The following CNIH3 variants were observed in gnomAD, a reference collection of about 807,000 sequenced individuals.
The protein encoded by CNIH3 is protein cornichon homolog 3.
A neutral mutation model predicts 24.1 loss-of-function variants in CNIH3; 14 were observed. The ratio of observed to expected loss-of-function variants is 0.58; its 90% CI spans 0.38 to 0.91. The LOEUF (loss-of-function observed/expected upper bound fraction) is 0.91, where lower values mean the gene tolerates loss of function less well. CNIH3 is among the 40% of genes least tolerant of loss of function. The pLI is 0.00. For synonymous variants in CNIH3, 68 were observed against 73.8 expected, an observed-to-expected ratio of 0.92 and a Z score of 0.40; for missense variants, 178 against 196.8, an observed-to-expected ratio of 0.90 and a Z score of 0.57.
intron 1 of CNIH3, among the ~76,000 whole-genome samples, chr1:224,453,953 A>G (rs573514428): frequency 2.6e-5 from 4 of 152,262 alleles, no homozygotes; most frequent in African/African-American, 9.6e-5. Flanking sequence ...ATATTGTCCA[A>G]AAGATTGCGC....
intron 3 of CNIH3, among the ~76,000 whole-genome samples, chr1:224,602,924 A>C (rs1199765058): frequency 2.6e-5 from 4 of 152,234 alleles, no homozygotes; most frequent in Non-Finnish European, 5.9e-5. Flanking sequence ...TATCTGAGAC[A>C]GGTCTCAATA....
intron 2 of CNIH3, among the ~76,000 whole-genome samples, chr1:224,543,091 G>A (rs138216823): frequency 0.021 from 3,258 of 152,260 alleles, 117 homozygotes; most frequent in African/African-American, 0.073. Flanking sequence ...GATATCAGCC[G>A]GATCTCTGGA....
chr1:224,445,584 A>AT (rs1173740022), intron 1 of CNIH3, among the ~76,000 whole-genome samples: 1 of 148,200 alleles, frequency 6.7e-6, no homozygotes, highest in East Asian at 1.9e-4. Context: ...TAAAAAAAAA[A>AT]AAAAAAAAAA....
chr1:224,544,432 A>G (rs1679626694), intron 2 of CNIH3, among the ~76,000 whole-genome samples: 2 of 152,196 alleles, frequency 1.3e-5, no homozygotes, highest in Admixed American at 1.3e-4. Flanking sequence ...CCCAGATCCT[A>G]TCTTTGAATC....
intron 4 of CNIH3, among the ~76,000 whole-genome samples, chr1:224,582,987 A>G (rs1160338942): frequency 6.6e-6 from 1 of 152,188 alleles, no homozygotes; most frequent in Non-Finnish European, 1.5e-5. Context: ...GAAGCTTCAG[A>G]ATATACATGG....
intron 4 of CNIH3, chr1:224,575,267 CT>C: frequency 8.2e-7 from 1 of 1,224,828 alleles, no homozygotes; most frequent in Admixed American, 1.7e-5. Flanking sequence ...ACTTTAAGGT[CT>C]TCAACTTTGA....
chr1:224,599,348 T>G (rs981173465), intron 3 of CNIH3, among the ~76,000 whole-genome samples: 2 of 152,196 alleles, frequency 1.3e-5, no homozygotes, highest in African/African-American at 4.8e-5. Context: ...TGGATGGGCC[T>G]CTTGTTCCTT....
intron 1 of CNIH3, among the ~76,000 whole-genome samples, chr1:224,441,637 GAA>G (rs1409721332): frequency 6.6e-6 from 1 of 152,108 alleles, no homozygotes; most frequent in African/African-American, 2.4e-5. Flanking sequence ...ATTATCATAA[GAA>G]AATGTTTCTG....
intron 1 of CNIH3, among the ~76,000 whole-genome samples, chr1:224,509,103 A>G (rs1323594986): frequency 6.6e-6 from 1 of 152,156 alleles, no homozygotes; most frequent in Non-Finnish European, 1.5e-5. Context: ...TGGGTGGATC[A>G]CTCGAGGTCA....
intron 3 of CNIH3, among the ~76,000 whole-genome samples, chr1:224,606,728 T>C (rs912392322): frequency 6.6e-6 from 1 of 152,124 alleles, no homozygotes; most frequent in South Asian, 2.1e-4. Flanking sequence ...CTCCTATCCA[T>C]ATTGCCATGG....
At chr1:224,717,475 C>T (rs1475351973) in intron 3 of CNIH3, 1 of 152,212 alleles carries the variant, frequency 6.6e-6, no homozygotes, top group Non-Finnish European at 1.5e-5. Context: ...TAGGGAAGGG[C>T]ACAAACATTC....
intron 1 of CNIH3, among the ~76,000 whole-genome samples, chr1:224,452,351 T>C (rs1675437473): frequency 6.6e-6 from 1 of 151,900 alleles, no homozygotes; most frequent in Non-Finnish European, 1.5e-5. Context: ...GGTTTCACCA[T>C]GTTGGGCAGG....
At chr1:224,734,847 GA>G (rs1689513905) in intron 5 of CNIH3, 141 bp downstream of exon 5, 2 of 860,606 alleles carry the variant, frequency 2.3e-6, no homozygotes, top group Admixed American at 2.1e-5. Flanking sequence ...CCAGCTGTCT[GA>G]CTCTGGCTCA....
chr1:224,580,197 C>A (rs1471541850), intron 4 of CNIH3, among the ~76,000 whole-genome samples: 2 of 152,122 alleles, frequency 1.3e-5, no homozygotes, highest in Non-Finnish European at 2.9e-5. Flanking sequence ...TTGAGTCAGA[C>A]CCCTTATATT....
intron 1 of CNIH3, among the ~76,000 whole-genome samples, chr1:224,632,732 G>A (rs1349759901): frequency 2.0e-5 from 3 of 152,040 alleles, no homozygotes; most frequent in Admixed American, 6.6e-5. Flanking sequence ...ACTTATCCTG[G>A]AATAATTTTT....
intron 4 of CNIH3, among the ~76,000 whole-genome samples, chr1:224,567,941 G>A (rs1407186320): frequency 6.6e-6 from 1 of 152,126 alleles, no homozygotes; most frequent in Non-Finnish European, 1.5e-5. Context: ...TTCCACCTAA[G>A]AGCAATTATT....
upstream of CNIH3, among the ~76,000 whole-genome samples, chr1:224,612,156 C>T (rs1381365500): frequency 1.3e-5 from 2 of 152,124 alleles, no homozygotes; most frequent in African/African-American, 4.8e-5. This position sits in a 1 kb window ranked among gnomAD's most constrained non-coding sequence, Gnocchi z 4.7. Context: ...TGAATTCAGA[C>T]CGGTTCTCCC....
intron 1 of CNIH3, among the ~76,000 whole-genome samples, chr1:224,623,448 G>C (rs148362983): frequency 6.6e-6 from 1 of 152,104 alleles, no homozygotes; most frequent in Non-Finnish European, 1.5e-5. Flanking sequence ...GCGGATGCAC[G>C]GTTTGACCTT....
In CNIH3 at chr1:224,739,676, G is replaced by C; in HGVS notation, c.*320G>C. The C allele has an allele frequency of 2.3e-6, 1 of 441,674 alleles. No individual in the cohort carries two copies. Among genetic ancestry groups the C allele is most frequent in the South Asian group, 3.7e-5 (1 of 26,920 alleles). The allele number at this position is 441,674 out of a possible 1,614,324, so 27.4% of individuals were successfully genotyped here. On this transcript the variant is annotated 3_prime_UTR_variant, in exon 6 of 6. Coordinates refer to ENST00000272133, the MANE Select transcript of CNIH3 (RefSeq NM_152495.2). ...TCCTGAGAGAGAATTGCTGCTTCCT[G>C]AATCCACTTCATTGAACAGCACCTT...
Sources: allele counts gnomAD v4.1 joint callset (sites outside exome capture counted in the v4.1 genomes callset), GRCh38; gene constraint gnomAD v4.1.1; non-coding constraint Gnocchi (gnomAD v3.1); transcripts MANE v1.5; gene names NCBI Gene and HGNC (gene_info 2026-07-23, HGNC 2026-07-21).